Variants in MAK16 observed in about 807,000 individuals in gnomAD.
The protein encoded by MAK16 is protein MAK16 homolog.
A neutral mutation model predicts 49.9 loss-of-function variants in MAK16; 12 were observed. The observed-to-expected ratio is 0.24, with a 90% confidence interval of 0.15 to 0.39. The LOEUF is 0.39. Ranked by LOEUF, MAK16 falls within the 10% of genes least tolerant of loss-of-function variation. The probability of loss-of-function intolerance (pLI) is 1.00; values close to 1 mark genes in which losing one functional copy is unlikely to be tolerated. For missense variants in MAK16, 292 were observed against 363.7 expected (o/e 0.80, Z 1.60); for synonymous variants, 115 against 126.4 (o/e 0.91, Z 0.60).
In MAK16 at chr8:33,500,184, G is replaced by A; in HGVS notation, c.*1555G>A. ...AGAAAAAAGATCAAGCTCTTTTGAG[G>A]CTAGAGGGCTCATATGGAGATCTAA... On this transcript the variant is annotated 3_prime_UTR_variant, in exon 10 of 10. Coordinates refer to ENST00000360128, the MANE Select transcript of MAK16 (RefSeq NM_032509.4). 1 of 833,612 alleles carries A rather than the reference G, an allele frequency of 1.2e-6. No individual in the cohort carries two copies. The highest frequency in any genetic ancestry group is 2.5e-5 in the Admixed American group (1 of 39,874). The allele number at this position is 833,612 out of a possible 1,614,324, so 51.6% of individuals were successfully genotyped here.
Position 33,499,507 on chromosome 8 carries a change from A to T in MAK16, c.*878A>T. 1 of 436,112 alleles carries T rather than the reference A, an allele frequency of 2.3e-6. No individual in the cohort carries two copies. The highest frequency in any genetic ancestry group is 4.1e-6 in the Non-Finnish European group (1 of 241,502). The allele number at this position is 436,112 out of a possible 1,614,324, so 27.0% of individuals were successfully genotyped here. A position where few individuals can be genotyped will look rare whatever the true frequency, so the allele number is the denominator to read the frequency against. On this transcript the variant is annotated 3_prime_UTR_variant, in exon 10 of 10. Coordinates refer to ENST00000360128, the MANE Select transcript of MAK16 (RefSeq NM_032509.4). ...TAAAAACTGTGTTAATGTACTTGCA[A>T]ATCTCCTGCTGGCTCATGAAACAGC...
rs1395598156 is a variant in MAK16, at chr8:33,485,301, A to G, written c.15+80A>G. ...ATTTTCGGACACTTAGAAAACGCGT[A>G]CGCAGCGGGTCTGTTGCCTCGTGCC... On this transcript the variant is annotated intron_variant, in intron 1 of 9. Coordinates refer to ENST00000360128, the MANE Select transcript of MAK16 (RefSeq NM_032509.4). The G allele has an allele frequency of 2.5e-6, 4 of 1,583,122 alleles. No homozygotes were observed. The East Asian group carries it at 6.7e-5, about 27-fold the overall frequency.
chr8:33,490,264 G>C, intron 5 of MAK16, 21 bp from the exon 6 acceptor site: 2 of 1,601,174 alleles, frequency 1.2e-6, no homozygotes, highest in Non-Finnish European at 1.7e-6. Context: ...TGGATTTTCT[G>C]ATATATTTTC....
chr8:33,490,243 G>A lies in MAK16; in HGVS notation c.393-42G>A. On this transcript the variant is annotated intron_variant, in intron 5 of 9. Coordinates refer to ENST00000360128, the MANE Select transcript of MAK16 (RefSeq NM_032509.4). ...CTTCTCATCCTTAAAAAGGAACACAGCACATGACAGTGGATTTTCTGATAT... is the reference window on the plus strand; with the variant it reads ...CTTCTCATCCTTAAAAAGGAACACAACACATGACAGTGGATTTTCTGATAT... 5 of 1,516,732 alleles carry A rather than the reference G, an allele frequency of 3.3e-6. No homozygotes were observed. In the South Asian group the frequency reaches 4.5e-5, roughly 14 times the overall value. The allele number at this position is 1,516,732 out of a possible 1,614,324, so 94.0% of individuals were successfully genotyped here.
chr8:33,499,428 G>T lies in MAK16; in HGVS notation c.*799G>T. On this transcript the variant is annotated 3_prime_UTR_variant, in exon 10 of 10. Transcript: ENST00000360128. ...TCACTAAGCAGAATAGGTATTAGTT[G>T]GTTTTTTATTATTTTTAAATTTATA... The T allele has an allele frequency of 3.2e-6, 2 of 623,396 alleles. No homozygotes were observed. The highest frequency in any genetic ancestry group is 1.9e-5 in the South Asian group (1 of 53,862). The allele number at this position is 623,396 out of a possible 1,614,324, so 38.6% of individuals were successfully genotyped here. A position where few individuals can be genotyped will look rare whatever the true frequency, so the allele number is the denominator to read the frequency against.
At chr8:33,495,684 AATTTTTTTTTTTTTTTTTTTTT>A in intron 7 of MAK16, 68 bp downstream of exon 7, 3 of 331,650 alleles carry the variant, frequency 9.0e-6, no homozygotes, top group South Asian at 6.2e-5. Context: ...ACATATTGGG[AATTTTTTTTTTTTTTTTTTTTT>A]TTTTTTTTTT....
At chr8:33,493,062 A>G (rs779322902) in intron 6 of MAK16, among the ~76,000 whole-genome samples, 2 of 152,032 alleles carry the variant, frequency 1.3e-5, no homozygotes, top group Non-Finnish European at 2.9e-5. Flanking sequence ...TGTCCCCATT[A>G]ATCACAGTTA....
rs369761310 is a variant in MAK16, at chr8:33,485,196, C to T, written c.-11C>T. The T allele has an allele frequency of 6.2e-7, 1 of 1,614,166 alleles. No individual in the cohort carries two copies. Among genetic ancestry groups the T allele is most frequent in the East Asian group, 2.2e-5 (1 of 44,868 alleles). On this transcript the variant is annotated 5_prime_UTR_variant, in exon 1 of 10. Transcript: ENST00000360128. ...ATCCGACCGGAAGTTGCACGCTGAG[C>T]CGCGGACACCATGCAGTCGGATGAT...
rs750940623 is a variant in MAK16 at position 33,498,671 on chromosome 8, C to CTT, written c.*43_*44insTT. 2.5e-4 allele frequency: 283 copies of CTT among 1,154,804 alleles called. No individual in the cohort carries two copies. The highest frequency in any genetic ancestry group is 3.1e-4 in the Non-Finnish European group (252 of 825,148). The allele number at this position is 1,154,804 out of a possible 1,614,324, so 71.5% of individuals were successfully genotyped here. On this transcript the variant is annotated 3_prime_UTR_variant, in exon 10 of 10. Coordinates refer to ENST00000360128, the MANE Select transcript of MAK16 (RefSeq NM_032509.4). ...TATACCCAGGACTGAACATGCAGAA[C>CTT]TGTTTTTTTTTTTTTTTTATCTTAA...
At chr8:33,485,413 G>A in intron 1 of MAK16, 192 bp downstream of exon 1, 1 of 714,732 alleles carries the variant, frequency 1.4e-6, no homozygotes, top group Non-Finnish European at 2.4e-6. Context: ...CGCTGCCCCG[G>A]CCGGGTTGTG....
rs1261316329 is a variant in MAK16 at position 33,496,693 on chromosome 8, T to G, written c.591T>G (p.Ser197Arg). 6.2e-7 allele frequency: 1 copy of G among 1,613,398 alleles called. No individual in the cohort carries two copies. The highest frequency in any genetic ancestry group is 1.7e-5 in the Admixed American group (1 of 59,898). ...DKALEQQEAE[S>R]DSSDTEEKDD... ...CCCTGGAACAACAGGAGGCAGAGAG[T>G]GACTCTTCAGATACTGAGGAAAAAG... The change falls in exon 8 of 10, where the codon AGT (serine) becomes AGG (arginine). Residue 197 changes from serine (S) to arginine (R), a missense_variant. Ser to Arg is a moderately radical substitution (Grantham distance 110). Transcript: ENST00000360128.
intron 9 of MAK16, among the ~76,000 whole-genome samples, chr8:33,498,051 G>T (rs576721762): frequency 6.7e-6 from 1 of 148,316 alleles, no homozygotes; most frequent in African/African-American, 2.5e-5. Context: ...AGCTGAGAGC[G>T]CACCACTACA....
At chr8:33,497,180 A>T (rs539663584) in intron 8 of MAK16, 52 bp from the exon 9 acceptor site, 2 of 1,334,166 alleles carry the variant, frequency 1.5e-6, no homozygotes, top group Non-Finnish European at 1.1e-6. Context: ...TAGATGTCTA[A>T]TCTGAATCTT....
chr8:33,492,017 GT>G (rs1329218805), intron 6 of MAK16, among the ~76,000 whole-genome samples: 1 of 150,826 alleles, frequency 6.6e-6, no homozygotes, highest in African/African-American at 2.4e-5. Context: ...ATTTTGTTTT[GT>G]TTTGTTTTTG....
chr8:33,486,468 C>G (rs945637918), intron 1 of MAK16, among the ~76,000 whole-genome samples: 5 of 152,200 alleles, frequency 3.3e-5, no homozygotes, highest in Non-Finnish European at 7.3e-5. Context: ...AGAAGGACTA[C>G]TTGAGCCGAA....
chr8:33,488,979 GT>G lies in MAK16; in HGVS notation c.241-6del, dbSNP rs768592219. 1.6e-5 allele frequency: 26 copies of G among 1,613,916 alleles called. No homozygotes were observed. Among genetic ancestry groups the G allele is most frequent in the African/African-American group, 1.6e-4 (12 of 74,908 alleles). ...CTTGCCCTTCAAACTTCCTGTTTCTGTTTGGTAGGTCCGGCTTAGTAAAAAC... is the reference window on the plus strand; with the variant it reads ...CTTGCCCTTCAAACTTCCTGTTTCTGTTGGTAGGTCCGGCTTAGTAAAAAC... On this transcript the variant is annotated splice_polypyrimidine_tract_variant and splice_region_variant and intron_variant, in intron 4 of 9. Transcript: ENST00000360128.
intron 9 of MAK16, 134 bp downstream of exon 9, chr8:33,497,431 T>G (rs1329072998): frequency 1.6e-6 from 1 of 637,574 alleles, no homozygotes. Flanking sequence ...ATGGGAGGAT[T>G]GTTTGAGCTC....
At chr8:33,492,677 G>T (rs1808796546) in intron 6 of MAK16, among the ~76,000 whole-genome samples, 1 of 152,084 alleles carries the variant, frequency 6.6e-6, no homozygotes, top group Non-Finnish European at 1.5e-5. Flanking sequence ...GTATGTTCGT[G>T]GCACGTTTGT....
At position 33,500,317 on chromosome 8, in the gene MAK16, G is replaced by T; in HGVS notation, c.*1688G>T. Reference sequence around the variant, plus strand: ...GAGGCCCAACTGAAACCAAGTTTCAGTCTGCCTTACCTTTACCCGTCCTTG... The same window carrying T: ...GAGGCCCAACTGAAACCAAGTTTCATTCTGCCTTACCTTTACCCGTCCTTG... On this transcript the variant is annotated 3_prime_UTR_variant, in exon 10 of 10. Transcript: ENST00000360128. 1.2e-6 allele frequency: 2 copies of T among 1,614,020 alleles called. No homozygotes were observed. The highest frequency in any genetic ancestry group is 1.7e-6 in the Non-Finnish European group (2 of 1,179,940).
Sources: gnomAD v4.1 joint callset for allele counts (sites outside exome capture counted in the v4.1 genomes callset) on GRCh38, gnomAD v4.1.1 for gene constraint, MANE v1.5 for transcripts, NCBI Gene and HGNC (gene_info 2026-07-23, HGNC 2026-07-21) for gene names.